The following MACROD2 variants were observed in gnomAD, a reference collection of about 807,000 sequenced individuals.
The protein encoded by MACROD2 is mono-ADP ribosylhydrolase 2, also known as ADP-ribose glycohydrolase MACROD2.
MACROD2 carries 36 observed loss-of-function variants against 70.4 expected under a neutral mutation model. The observed-to-expected ratio is 0.51, with a 90% CI of 0.39 to 0.68. The LOEUF (loss-of-function observed/expected upper bound fraction) is 0.68. MACROD2 is among the 30% of genes least tolerant of loss of function. The pLI, the probability that MACROD2 is intolerant of heterozygous loss-of-function variation, is 0.00. For missense variants in MACROD2, 496 were observed against 538.4 expected (o/e 0.92, Z 0.78); for synonymous variants, 172 against 178.8 (o/e 0.96, Z 0.30).
At chr20:15,513,485 T>C (rs753665972) in intron 8 of MACROD2, among the ~76,000 whole-genome samples, 1 of 152,190 alleles carries the variant, frequency 6.6e-6, no homozygotes, top group Non-Finnish European at 1.5e-5. Context: ...TCTTAAAAGC[T>C]GTTGGTTTAC....
chr20:15,489,875 G>A (rs1233053929), intron 7 of MACROD2, among the ~76,000 whole-genome samples: 2 of 152,048 alleles, frequency 1.3e-5, no homozygotes, highest in African/African-American at 2.4e-5. Context: ...AGTCTTCCAC[G>A]AGCCACTTTT....
At chr20:15,848,264 C>T (rs2064256223) in intron 8 of MACROD2, among the ~76,000 whole-genome samples, 1 of 152,094 alleles carries the variant, frequency 6.6e-6, no homozygotes, top group African/African-American at 2.4e-5. Flanking sequence ...GGCTCCATGC[C>T]ACTAAGTCAT....
chr20:14,778,014 AC>A (rs2072254749), intron 5 of MACROD2, among the ~76,000 whole-genome samples: 1 of 152,086 alleles, frequency 6.6e-6, no homozygotes, highest in Non-Finnish European at 1.5e-5. Flanking sequence ...GAGGCCTGAC[AC>A]GCTGCATTCC....
intron 5 of MACROD2, among the ~76,000 whole-genome samples, chr20:15,158,559 A>G (rs62202852): frequency 2.6e-5 from 4 of 152,142 alleles, no homozygotes; most frequent in Non-Finnish European, 5.9e-5. Flanking sequence ...ACCACAGCAG[A>G]AGTGTGTAGT....
chr20:14,325,795 C>T, intron 3 of MACROD2: 7 of 1,613,958 alleles, frequency 4.3e-6, no homozygotes, highest in Non-Finnish European at 4.2e-6. Flanking sequence ...GTCATCCTTT[C>T]TTCTCCTCCC....
intron 5 of MACROD2, among the ~76,000 whole-genome samples, chr20:14,933,055 G>A (rs1174789670): frequency 6.6e-6 from 1 of 151,880 alleles, no homozygotes; most frequent in East Asian, 1.9e-4. Flanking sequence ...AGTCTTCAGA[G>A]AAAAACTCTT....
At chr20:15,081,001 TTATC>T (rs1457549749) in intron 5 of MACROD2, among the ~76,000 whole-genome samples, 1 of 152,102 alleles carries the variant, frequency 6.6e-6, no homozygotes, top group African/African-American at 2.4e-5. Flanking sequence ...TATTTATTGT[TTATC>T]TACTCCACTA....
At chr20:15,499,734 T>A (rs375398480) in intron 7 of MACROD2, 40 bp from the exon 8 acceptor site, 1 of 1,600,934 alleles carries the variant, frequency 6.2e-7, no homozygotes, top group African/African-American at 1.3e-5. Flanking sequence ...TTTGCCTTCA[T>A]CTTTCGTTGT....
intron 8 of MACROD2, among the ~76,000 whole-genome samples, chr20:15,757,466 A>G (rs1037411903): frequency 6.6e-6 from 1 of 152,184 alleles, no homozygotes; most frequent in Non-Finnish European, 1.5e-5. Context: ...AAAGGAGATT[A>G]TTTTTCTGAT....
chr20:14,856,677 T>C (rs2073258598), intron 5 of MACROD2, among the ~76,000 whole-genome samples: 1 of 152,078 alleles, frequency 6.6e-6, no homozygotes, highest in Non-Finnish European at 1.5e-5. Flanking sequence ...CAGATTCAGA[T>C]TCAGCAGGTT....
intron 8 of MACROD2, among the ~76,000 whole-genome samples, chr20:15,649,661 C>T (rs979412643): frequency 6.6e-6 from 1 of 152,156 alleles, no homozygotes; most frequent in African/African-American, 2.4e-5. Context: ...ATTTCTTAAC[C>T]AATCTCTGTG....
chr20:15,438,649 G>T (rs1231754072), intron 7 of MACROD2, among the ~76,000 whole-genome samples: 1 of 152,070 alleles, frequency 6.6e-6, no homozygotes, highest in Non-Finnish European at 1.5e-5. Flanking sequence ...ATTTGTGTCA[G>T]GACAATTATC....
At chr20:14,255,106 C>A (rs578211616) in intron 3 of MACROD2, among the ~76,000 whole-genome samples, 8 of 152,062 alleles carry the variant, frequency 5.3e-5, no homozygotes, top group East Asian at 3.9e-4. Context: ...CTGAGAGATC[C>A]GCTGTTAGTC....
In MACROD2 at chr20:13,995,820, C is replaced by T. The variant is rs199644824; in HGVS notation, c.46+11C>T. ...GGAGAGAGGAGAAAGGTAACCGGCC[C>T]GTCGAGTCCTGGGGGTGCGGGCGGT... is the stretch of plus-strand genomic sequence containing the variant. On this transcript the variant is annotated intron_variant, in intron 1 of 17. Transcript: ENST00000684519. The surrounding 1 kb of genome is among the most constrained non-coding windows in gnomAD (Gnocchi z 4.3). 4,944 of 1,243,228 alleles carry T rather than the reference C, an allele frequency of 4.0e-3. 85 individuals carry two copies. In the African/African-American group the frequency reaches 0.05, roughly 13 times the overall value. 77.0% of individuals were successfully genotyped at this position (1,243,228 alleles called of 1,614,324 possible).
intron 8 of MACROD2, among the ~76,000 whole-genome samples, chr20:15,621,230 C>A (rs542367673): frequency 6.6e-6 from 1 of 152,282 alleles, no homozygotes; most frequent in East Asian, 1.9e-4. Flanking sequence ...TTTGTTCATT[C>A]TTAGTCTCTT....
chr20:15,477,658 A>G (rs963458110), intron 7 of MACROD2, among the ~76,000 whole-genome samples: 7 of 152,160 alleles, frequency 4.6e-5, no homozygotes, highest in Admixed American at 2.0e-4. Flanking sequence ...TTTTTGTTGG[A>G]GACTGTGGTA....
chr20:15,114,927 G>A lies in MACROD2; in HGVS notation c.419-115013G>A, dbSNP rs1475924952. On this transcript the variant is annotated intron_variant, in intron 5 of 17. Transcript: ENST00000684519. The stretch of plus-strand genomic sequence containing the variant: ...TCTCCAGGAATCCAAATCTTAAGAA[G>A]AATGAAAAAGAGGCTGTATGTGTTT... 2.0e-5 allele frequency among the ~76,000 whole-genome samples: 3 copies of A among 152,128 alleles called. 1 individual carries two copies. Among genetic ancestry groups the A allele is most frequent in the Non-Finnish European group, 2.9e-5 (2 of 68,024 alleles).
At chr20:15,059,154 T>C (rs545329419) in intron 5 of MACROD2, among the ~76,000 whole-genome samples, 4 of 152,090 alleles carry the variant, frequency 2.6e-5, no homozygotes, top group Non-Finnish European at 5.9e-5. Context: ...TCCCAGCACT[T>C]TGGGAGGCTG....
intron 5 of MACROD2, among the ~76,000 whole-genome samples, chr20:14,927,757 A>G (rs568692823): frequency 1.3e-5 from 2 of 152,288 alleles, no homozygotes; most frequent in East Asian, 1.9e-4. Context: ...GAACTGAAAG[A>G]TGTTACAGGT....
Sources: allele counts gnomAD v4.1 joint callset (sites outside exome capture counted in the v4.1 genomes callset), GRCh38; gene constraint gnomAD v4.1.1; non-coding constraint Gnocchi (gnomAD v3.1); transcripts MANE v1.5; gene names NCBI Gene and HGNC (gene_info 2026-07-23, HGNC 2026-07-21).